TOM1: variants seen among roughly 807,000 people sequenced by gnomAD.
TOM1 encodes target of myb1 membrane trafficking protein, also known as target of Myb protein 1.
A neutral mutation model predicts 61.3 loss-of-function variants in TOM1; 38 were observed. The observed-to-expected ratio is 0.62, with a 90% confidence interval of 0.48 to 0.81. The LOEUF (loss-of-function observed/expected upper bound fraction) is 0.81. Ranked by LOEUF, TOM1 falls within the 40% of genes least tolerant of loss-of-function variation. TOM1 has a pLI of 0.00. For missense variants in TOM1, 591 were observed against 659.6 expected (o/e 0.90, Z 1.14); for synonymous variants, 270 against 268.8 (o/e 1.00, Z -0.04).
At chr22:35,322,075 G>T (rs375466877) in intron 3 of TOM1, 38 bp downstream of exon 3, 1 of 1,595,356 alleles carries the variant, frequency 6.3e-7, no homozygotes, top group Admixed American at 1.7e-5. Context: ...GCAGGACTAC[G>T]GTCCACTGAA....
intron 2 of TOM1, chr22:35,321,687 C>T: frequency 1.9e-6 from 1 of 537,700 alleles, no homozygotes; most frequent in East Asian, 4.7e-5. Context: ...GCATGAGCCA[C>T]CGCGCCCGGC....
At chr22:35,329,281 A>T (rs1928614824) in intron 7 of TOM1, among the ~76,000 whole-genome samples, 1 of 152,206 alleles carries the variant, frequency 6.6e-6, no homozygotes, top group Non-Finnish European at 1.5e-5. Context: ...CATAAGTTTA[A>T]ATATGACACC....
At chr22:35,319,841 C>T (rs1265966042) in intron 2 of TOM1, among the ~76,000 whole-genome samples, 1 of 152,208 alleles carries the variant, frequency 6.6e-6, no homozygotes, top group Non-Finnish European at 1.5e-5. Flanking sequence ...GGTGGGCCAC[C>T]ATCCCTTTCC....
intron 6 of TOM1, among the ~76,000 whole-genome samples, chr22:35,324,714 A>C (rs555027417): frequency 1.3e-5 from 2 of 152,180 alleles, no homozygotes; most frequent in East Asian, 3.9e-4. Context: ...ATGCCCAGCT[A>C]ATTTTTTGTA....
chr22:35,315,431 C>T (rs1490315812), intron 1 of TOM1, among the ~76,000 whole-genome samples: 1 of 152,174 alleles, frequency 6.6e-6, no homozygotes, highest in Non-Finnish European at 1.5e-5. Flanking sequence ...GCCCTCTGCT[C>T]AGAGGGACAC....
chr22:35,345,598 C>CGGGCAGCT, intron 12 of TOM1, 127 bp from the exon 13 acceptor site: 1 of 895,850 alleles, frequency 1.1e-6, no homozygotes, highest in East Asian at 2.5e-5. Flanking sequence ...GTGGTGGGTC[C>CGGGCAGCT]GGGCAGCTAG....
At position 35,299,942 on chromosome 22, in the gene TOM1, T is replaced by G; in HGVS notation, c.14T>G (p.Leu5Arg). 6.3e-7 allele frequency: 1 copy of G among 1,584,220 alleles called. No individual in the cohort carries two copies. Residue 5 changes from leucine to arginine, a missense_variant, in exon 1 of 15, where the codon CTG becomes CGG. Physicochemically the swap from Leu to Arg is moderately radical, Grantham distance 102 (BLOSUM62 -2). Transcript: ENST00000449058. MDFL[L>R]GNPFSSPVGQ... Reference sequence around the variant, plus strand: ...GCGGTAGCAGCAATGGACTTTCTCCTGGGGAACCCGTTCAGCTCTCCAGTG... The same window carrying G: ...GCGGTAGCAGCAATGGACTTTCTCCGGGGGAACCCGTTCAGCTCTCCAGTG...
rs1228277034 is a variant in TOM1, at chr22:35,334,339, A to G, written c.1039A>G (p.Ser347Gly). The part of the protein sequence containing the change: ...SQLAGMNLGS[S>G]SVRAGLQSLE... Reference sequence around the variant, plus strand: ...TTCTGTCCCTGCAGACCTGGGCTCCAGCAGTGTGAGAGCTGGCCTGCAGTC... The same window carrying G: ...TTCTGTCCCTGCAGACCTGGGCTCCGGCAGTGTGAGAGCTGGCCTGCAGTC... Residue 347 changes from serine to glycine, a missense_variant, in exon 11 of 15, where the codon AGC (serine) becomes GGC (glycine). Ser to Gly is a moderately conservative substitution (Grantham distance 56). Coordinates refer to ENST00000449058, the MANE Select transcript of TOM1 (RefSeq NM_005488.3). The G allele has an allele frequency of 2.5e-6, 4 of 1,613,616 alleles. No homozygotes were observed. The highest frequency in any genetic ancestry group is 3.4e-6 in the Non-Finnish European group (4 of 1,179,744).
Position 35,324,003 on chromosome 22 carries a change from G to A in TOM1, c.648+89G>A, listed in dbSNP as rs570017385. 3.2e-4 allele frequency: 465 copies of A among 1,457,014 alleles called. 3 individuals carry two copies. In the South Asian group the frequency reaches 5.8e-3, roughly 18 times the overall value. The allele number at this position is 1,457,014 out of a possible 1,614,324, so 90.3% of individuals were successfully genotyped here. ...CCCCCTGTCAGAATTTACCATCCAC[G>A]GAGCCTCCACTTCTTCCTCACAGCA... is the stretch of plus-strand genomic sequence containing the variant. On this transcript the variant is annotated intron_variant, in intron 6 of 14. Transcript: ENST00000449058.
chr22:35,308,275 CTTTT>C (rs138770), intron 1 of TOM1, among the ~76,000 whole-genome samples: 4 of 129,442 alleles, frequency 3.1e-5, no homozygotes, highest in South Asian at 2.4e-4. Context: ...TTCCTTTTCT[CTTTT>C]TTTTTTTTTT....
Position 35,330,392 on chromosome 22 carries a change from C to A in TOM1, c.811C>A (p.Leu271Ile). The A allele has an allele frequency of 6.2e-7, 1 of 1,613,560 alleles. No individual in the cohort carries two copies. Among genetic ancestry groups the A allele is most frequent in the Non-Finnish European group, 8.5e-7 (1 of 1,179,852 alleles). ...AGCCATGCAGCAGCGGGTCCTGGAG[C>A]TCATCCCTCAGATCGCCAATGAGCA... ...CRAMQQRVLE[L>I]IPQIANEQLT... Residue 271 changes from leucine (L) to isoleucine (I), a missense_variant, in exon 8 of 15, where the codon CTC (leucine) becomes ATC (isoleucine). Physicochemically the swap from Leu to Ile is conservative, Grantham distance 5 (BLOSUM62 2). Transcript: ENST00000449058.
chr22:35,300,847 A>G (rs1471795443), intron 1 of TOM1, among the ~76,000 whole-genome samples: 2 of 152,184 alleles, frequency 1.3e-5, no homozygotes, highest in Non-Finnish European at 2.9e-5. Context: ...AAATTCCTTA[A>G]TAAATGTGAA....
At position 35,330,406 on chromosome 22, in the gene TOM1, C is replaced by G; in HGVS notation, c.825C>G (p.Ile275Met). 1 of 1,613,482 alleles carries G rather than the reference C, an allele frequency of 6.2e-7. No homozygotes were observed. Among genetic ancestry groups the G allele is most frequent in the Admixed American group, 1.7e-5 (1 of 59,974 alleles). ...GGGTCCTGGAGCTCATCCCTCAGAT[C>G]GCCAATGAGCAGCTGACAGAGGAGC... ...QQRVLELIPQ[I>M]ANEQLTEELL... The change falls in exon 8 of 15, where the codon ATC becomes ATG. Residue 275 changes from isoleucine to methionine, a missense_variant. Transcript: ENST00000449058.
intron 1 of TOM1, among the ~76,000 whole-genome samples, chr22:35,310,889 A>G (rs945358366): frequency 6.6e-6 from 1 of 152,188 alleles, no homozygotes; most frequent in African/African-American, 2.4e-5. Context: ...TCCACTAAGC[A>G]GTGCTTAGAG....
intron 11 of TOM1, 52 bp from the exon 12 acceptor site, chr22:35,338,661 C>G: frequency 6.9e-7 from 1 of 1,448,218 alleles, no homozygotes; most frequent in Non-Finnish European, 9.2e-7. Context: ...TCCGTTCTTG[C>G]ATCAGCCATC....
At chr22:35,345,854 G>A in intron 13 of TOM1, 70 bp downstream of exon 13, 3 of 1,541,484 alleles carry the variant, frequency 1.9e-6, no homozygotes, top group Non-Finnish European at 2.7e-6. Context: ...ATGACCCATG[G>A]GGCCAGGGTA....
At chr22:35,337,342 A>G (rs1048224108) in intron 11 of TOM1, among the ~76,000 whole-genome samples, 29 of 152,156 alleles carry the variant, frequency 1.9e-4, no homozygotes, top group African/African-American at 7.0e-4. Context: ...GACAGCAACA[A>G]GCACCTCCAG....
At chr22:35,346,307 G>A (rs1930498306) in intron 13 of TOM1, among the ~76,000 whole-genome samples, 1 of 152,242 alleles carries the variant, frequency 6.6e-6, no homozygotes, top group Admixed American at 6.5e-5. Flanking sequence ...CTCCGTCCAG[G>A]GCTCCTACCG....
At chr22:35,342,193 C>T (rs759480857) in intron 12 of TOM1, among the ~76,000 whole-genome samples, 1 of 152,022 alleles carries the variant, frequency 6.6e-6, no homozygotes, top group African/African-American at 2.4e-5. Context: ...AGGTTTGCGC[C>T]CTGGGATTCA....
Sources: allele counts gnomAD v4.1 joint callset (sites outside exome capture counted in the v4.1 genomes callset), GRCh38; gene constraint gnomAD v4.1.1; transcripts MANE v1.5; gene names NCBI Gene and HGNC (gene_info 2026-07-23, HGNC 2026-07-21).